CNIH3: variants seen among roughly 807,000 people sequenced by gnomAD.
The protein encoded by CNIH3 is cornichon family AMPA receptor auxiliary protein 3.
A neutral mutation model predicts 24.1 loss-of-function variants in CNIH3; 14 were observed. The ratio of observed to expected loss-of-function variants is 0.58; its 90% CI spans 0.38 to 0.91. The LOEUF (loss-of-function observed/expected upper bound fraction) is 0.91. Ranked by LOEUF, CNIH3 falls within the 40% of genes least tolerant of loss-of-function variation. CNIH3 has a pLI of 0.00. For synonymous variants in CNIH3, 68 were observed against 73.8 expected (o/e 0.92, Z 0.40); for missense variants, 178 against 196.8 (o/e 0.90, Z 0.57).
At chr1:224,689,926 C>T (rs1448660846) in intron 3 of CNIH3, among the ~76,000 whole-genome samples, 1 of 152,142 alleles carries the variant, frequency 6.6e-6, no homozygotes, top group Non-Finnish European at 1.5e-5. Flanking sequence ...TCTGTGGGGC[C>T]CCTACAAAGT....
In CNIH3 at chr1:224,463,773, ATTTTTTTTTTTTTTTTTTT is replaced by A. The variant is rs56137320; in HGVS notation, n.203+28929_203+28947del. Among the ~76,000 whole-genome samples, 13 of 20,730 alleles carry A rather than the reference ATTTTTTTTTTTTTTTTTTT, an allele frequency of 6.3e-4. No homozygotes were observed. In the East Asian group the frequency reaches 0.012, roughly 19 times the overall value. 13.6% of individuals were successfully genotyped at this position (20,730 alleles called of 152,430 possible). A position where few individuals can be genotyped will look rare whatever the true frequency, so the allele number is the denominator to read the frequency against. ...TTCTCCCAGCTTATGAATTGTCCTC[ATTTTTTTTTTTTTTTTTTT>A]TTTTTTTTTTTTTTTTTAGAGGGAG... On this transcript the variant is annotated intron_variant and non_coding_transcript_variant, in intron 1 of 5. Transcript: ENST00000471578.
At chr1:224,625,163 T>C (rs948332549) in intron 1 of CNIH3, among the ~76,000 whole-genome samples, 1 of 152,194 alleles carries the variant, frequency 6.6e-6, no homozygotes. Flanking sequence ...CTGGATAATT[T>C]ATTACAGCCA....
intron 3 of CNIH3, among the ~76,000 whole-genome samples, chr1:224,556,615 C>T (rs1031035180): frequency 7.9e-5 from 12 of 152,132 alleles, no homozygotes; most frequent in Non-Finnish European, 8.8e-5. Context: ...GATCATCAGG[C>T]GTTAGATTCT....
chr1:224,479,420 C>T (rs1203405099), intron 1 of CNIH3, among the ~76,000 whole-genome samples: 2 of 151,964 alleles, frequency 1.3e-5, no homozygotes, highest in Non-Finnish European at 2.9e-5. Context: ...TCCCAAAGTG[C>T]TGGGATTACA....
intron 5 of CNIH3, among the ~76,000 whole-genome samples, chr1:224,586,827 C>T (rs540512569): frequency 6.6e-6 from 1 of 152,216 alleles, no homozygotes; most frequent in East Asian, 1.9e-4. Context: ...AAAAGAAGGC[C>T]ATGGGAAGAT....
At chr1:224,692,647 C>G (rs1264257750) in intron 3 of CNIH3, among the ~76,000 whole-genome samples, 1 of 152,172 alleles carries the variant, frequency 6.6e-6, no homozygotes, top group African/African-American at 2.4e-5. Context: ...AATCTCACAA[C>G]AACCCTATGA....
intron 1 of CNIH3, among the ~76,000 whole-genome samples, chr1:224,510,618 A>G (rs1678111526): frequency 6.7e-6 from 1 of 150,362 alleles, no homozygotes; most frequent in Non-Finnish European, 1.5e-5. Context: ...ACAAAAAAAA[A>G]ACAAAAAAAA....
intron 1 of CNIH3, among the ~76,000 whole-genome samples, chr1:224,619,211 A>G (rs1344178831): frequency 4.6e-5 from 7 of 152,202 alleles, no homozygotes; most frequent in African/African-American, 1.7e-4. Context: ...TCATTCAGGG[A>G]AAGATGATTA....
At chr1:224,628,681 A>G (rs1683664689) in intron 1 of CNIH3, among the ~76,000 whole-genome samples, 1 of 152,020 alleles carries the variant, frequency 6.6e-6, no homozygotes, top group African/African-American at 2.4e-5. Flanking sequence ...CCCCACGCCC[A>G]ACCATCTGAA....
intron 3 of CNIH3, among the ~76,000 whole-genome samples, chr1:224,713,922 C>G (rs552892655): frequency 6.6e-6 from 1 of 152,264 alleles, no homozygotes; most frequent in South Asian, 2.1e-4. Flanking sequence ...ACAAGTGATC[C>G]TCCCACCTCA....
At chr1:224,637,111 C>A (rs1023599660) in intron 1 of CNIH3, among the ~76,000 whole-genome samples, 9 of 152,104 alleles carry the variant, frequency 5.9e-5, no homozygotes, top group African/African-American at 2.2e-4. Flanking sequence ...GCTACCACGC[C>A]TGGCTAATTT....
At chr1:224,508,453 G>A (rs1678004833) in intron 1 of CNIH3, among the ~76,000 whole-genome samples, 1 of 152,142 alleles carries the variant, frequency 6.6e-6, no homozygotes, top group African/African-American at 2.4e-5. Context: ...TAACTTAATG[G>A]TCAATGACTT....
chr1:224,633,137 G>C (rs1385457893), intron 1 of CNIH3, among the ~76,000 whole-genome samples: 1 of 152,072 alleles, frequency 6.6e-6, no homozygotes, highest in African/African-American at 2.4e-5. Flanking sequence ...AGGTTTCTCA[G>C]TAAGGAATGT....
chr1:224,470,077 GGC>G (rs1219993337), intron 1 of CNIH3, among the ~76,000 whole-genome samples: 1 of 150,764 alleles, frequency 6.6e-6, no homozygotes, highest in African/African-American at 2.4e-5. Flanking sequence ...GGAGTTCAGT[GGC>G]GCGATCTCGG....
chr1:224,505,804 T>C (rs1446410750), intron 1 of CNIH3, among the ~76,000 whole-genome samples: 1 of 152,232 alleles, frequency 6.6e-6, no homozygotes, highest in African/African-American at 2.4e-5. Context: ...CAACAGCATA[T>C]GAACCATTGG....
chr1:224,734,498 G>A lies in CNIH3; in HGVS notation c.312-65G>A, dbSNP rs1232738140. 40 of 1,551,862 alleles carry A rather than the reference G, an allele frequency of 2.6e-5. 2 individuals are homozygous for A. In the South Asian group the frequency reaches 4.4e-4, roughly 17 times the overall value. On this transcript the variant is annotated intron_variant, in intron 4 of 5. Coordinates refer to ENST00000272133, the MANE Select transcript of CNIH3 (RefSeq NM_152495.2). ...CTCGACAGAAGCCCTGCATCGGAAG[G>A]GTTTGCCCAGGTTACGCCAGAAGTA...
Position 224,604,368 on chromosome 1 carries a change from G to C in CNIH3, n.402+38104G>C, listed in dbSNP as rs756499254. 6.6e-6 allele frequency among the ~76,000 whole-genome samples: 1 copy of C among 152,122 alleles called. No individual in the cohort carries two copies. The highest frequency in any genetic ancestry group is 1.5e-5 in the Non-Finnish European group (1 of 68,028). ...AATATTCTTTCTAGTTTGGTGAAAG[G>C]TTTAGCTTTTTGAAGAGATTCTGTC... On this transcript the variant is annotated intron_variant and non_coding_transcript_variant, in intron 3 of 7. Transcript: ENST00000478120. The surrounding 1 kb of genome is among the most constrained non-coding windows in gnomAD (Gnocchi z 4.4).
At chr1:224,674,470 C>T (rs1686037616) in intron 1 of CNIH3, among the ~76,000 whole-genome samples, 1 of 151,990 alleles carries the variant, frequency 6.6e-6, no homozygotes, top group African/African-American at 2.4e-5. Context: ...GTCCACCCTG[C>T]TTCCCTGCTG....
chr1:224,667,173 C>T (rs1467417193), intron 1 of CNIH3, among the ~76,000 whole-genome samples: 5 of 152,192 alleles, frequency 3.3e-5, no homozygotes, highest in Non-Finnish European at 5.9e-5. Flanking sequence ...CAGATACTGG[C>T]ATCTGACAGC....
Sources: allele counts gnomAD v4.1 joint callset (sites outside exome capture counted in the v4.1 genomes callset), GRCh38; gene constraint gnomAD v4.1.1; non-coding constraint Gnocchi (gnomAD v3.1); transcripts MANE v1.5; gene names NCBI Gene and HGNC (gene_info 2026-07-23, HGNC 2026-07-21).